Variants in USP4 observed in about 807,000 individuals in gnomAD.
The protein encoded by USP4 is ubiquitin specific peptidase 4, also known as ubiquitin carboxyl-terminal hydrolase 4.
Under a neutral mutation model 118.2 loss-of-function variants are expected in USP4, and 72 were observed. The observed-to-expected ratio is 0.61, with a 90% CI of 0.50 to 0.74. USP4 has a LOEUF of 0.74. Ranked by LOEUF, USP4 falls within the 30% of genes least tolerant of loss-of-function variation. The pLI is 0.00. For missense variants in USP4, 1,037 were observed against 1,185.7 expected (o/e 0.87, Z 1.84); for synonymous variants, 415 against 440.4 (o/e 0.94, Z 0.72).
At chr3:49,338,885 C>G (rs1266441714) in intron 1 of USP4, among the ~76,000 whole-genome samples, 1 of 152,068 alleles carries the variant, frequency 6.6e-6, no homozygotes, top group African/African-American at 2.4e-5. Context: ...CGGTGGCTCC[C>G]ACCTGTAATC....
In USP4 at chr3:49,302,444, C is replaced by T; in HGVS notation, c.1227G>A (p.Leu409=). ...AFLLDGLHED[L]NRVKKKPYLE... ...AGTAGGGCTTTTTCTTTACCCGGTT[C>T]AGATCTTCATGCAATCCATCTAGAA... is the stretch of plus-strand genomic sequence containing the variant. The change falls in exon 10 of 22, where the codon CTG becomes CTA. Residue 409 remains leucine, a synonymous_variant. Coordinates refer to ENST00000265560, the MANE Select transcript of USP4 (RefSeq NM_003363.4). 8 of 1,614,152 alleles carry T rather than the reference C, an allele frequency of 5.0e-6. No homozygotes were observed. Among genetic ancestry groups the T allele is most frequent in the Non-Finnish European group, 6.8e-6 (8 of 1,180,040 alleles).
Position 49,292,526 on chromosome 3 carries a change from G to A in USP4, c.1956C>T (p.Ser652=). 3 of 1,591,224 alleles carry A rather than the reference G, an allele frequency of 1.9e-6. No individual in the cohort carries two copies. The highest frequency in any genetic ancestry group is 2.6e-6 in the Non-Finnish European group (3 of 1,168,008). Residue 652 remains serine (S), a synonymous_variant, in exon 15 of 22, where the codon TCC becomes TCT. Transcript: ENST00000265560. ...SPLEPGACNG[S]RNSCEGEDEE... is the part of the protein sequence containing the mutation. ...CATACTCACCTTCACAGCTGTTCCTGGAGCCATTGCAGGCCCCTGGCTCCA... is the reference window on the plus strand; with the variant it reads ...CATACTCACCTTCACAGCTGTTCCTAGAGCCATTGCAGGCCCCTGGCTCCA...
intron 6 of USP4, among the ~76,000 whole-genome samples, chr3:49,323,133 A>T (rs1428956323): frequency 6.6e-6 from 1 of 151,546 alleles, no homozygotes; most frequent in East Asian, 2.0e-4. Flanking sequence ...ACGCCTGGCT[A>T]ATTTTGCATT....
intron 2 of USP4, among the ~76,000 whole-genome samples, chr3:49,333,254 T>C (rs897966901): frequency 6.7e-6 from 1 of 149,524 alleles, no homozygotes; most frequent in African/African-American, 2.5e-5. Context: ...GGTTCCTCCA[T>C]CTCCCAGGCA....
intron 6 of USP4, among the ~76,000 whole-genome samples, chr3:49,322,090 G>C (rs1418557227): frequency 6.6e-6 from 1 of 152,100 alleles, no homozygotes; most frequent in African/African-American, 2.4e-5. Flanking sequence ...CCAAGAAACA[G>C]GACACCCCCA....
At chr3:49,294,255 G>A (rs1488401015) in intron 14 of USP4, 152 bp downstream of exon 14, 2 of 802,648 alleles carry the variant, frequency 2.5e-6, no homozygotes, top group Non-Finnish European at 3.8e-6. Context: ...AAAGTGCTGG[G>A]AGTACAGGCA....
In USP4 at chr3:49,284,834, C is replaced by T. The variant is rs778878976; in HGVS notation, c.2271+15G>A. ...ACCAGCAGACACCACCGACCACGAA[C>T]CCCGAGGGACCTACCTCAGATTCTT... On this transcript the variant is annotated intron_variant, in intron 17 of 21. Coordinates refer to ENST00000265560, the MANE Select transcript of USP4 (RefSeq NM_003363.4). 4 of 1,612,814 alleles carry T rather than the reference C, an allele frequency of 2.5e-6. No individual in the cohort carries two copies. The highest frequency in any genetic ancestry group is 3.4e-6 in the Non-Finnish European group (4 of 1,179,028).
At chr3:49,323,341 G>A (rs2047521224) in intron 6 of USP4, among the ~76,000 whole-genome samples, 1 of 147,968 alleles carries the variant, frequency 6.8e-6, no homozygotes, top group South Asian at 2.1e-4. Flanking sequence ...GGCAATGGCA[G>A]AATCATAGCT....
At chr3:49,289,042 C>T (rs531145519) in intron 15 of USP4, among the ~76,000 whole-genome samples, 1 of 152,102 alleles carries the variant, frequency 6.6e-6, no homozygotes, top group Non-Finnish European at 1.5e-5. Context: ...ACCCAGGGAA[C>T]GGAGGTTGCC....
Position 49,286,115 on chromosome 3 carries a change from T to C in USP4, c.2183A>G (p.Lys728Arg), listed in dbSNP as rs1368188796. The C allele has an allele frequency of 6.2e-7, 1 of 1,614,062 alleles. No homozygotes were observed. Residue 728 changes from lysine (K) to arginine (R), a missense_variant, in exon 16 of 22, where the codon AAA (lysine) becomes AGA (arginine). This residue lies in a region of USP4 where 522 missense variants were observed against 592.6 expected (regional missense o/e 0.88). Coordinates refer to ENST00000265560, the MANE Select transcript of USP4 (RefSeq NM_003363.4). ...GTGCTTACAGTTGAGTTTAAGTAGT[T>C]TTCCATCAGCTGCAAGTGAATTTAT... ...ADINSLAADG[K>R]LLKLNSRSTL...
At position 49,296,405 on chromosome 3, in the gene USP4, T is replaced by C. The variant is rs548648522; in HGVS notation, c.1691+1465A>G. ...TGGCTCACGCCTGTAATCCCAGCACTTTGGGAGGCCAAGGCGGGTGGATCA... is the reference window on the plus strand; with the variant it reads ...TGGCTCACGCCTGTAATCCCAGCACCTTGGGAGGCCAAGGCGGGTGGATCA... On this transcript the variant is annotated intron_variant, in intron 13 of 21. Transcript: ENST00000265560. Among the ~76,000 whole-genome samples the C allele has an allele frequency of 1.4e-4, 21 of 152,184 alleles. 1 individual carries two copies. The highest frequency in any genetic ancestry group is 1.5e-5 in the Non-Finnish European group (1 of 67,996).
intron 19 of USP4, among the ~76,000 whole-genome samples, 175 bp downstream of exon 19, chr3:49,283,812 A>C (rs916344015): frequency 6.6e-6 from 1 of 152,176 alleles, no homozygotes; most frequent in Non-Finnish European, 1.5e-5. Context: ...CTCTTCCCCA[A>C]AGATGGGAGG....
chr3:49,338,229 T>C (rs1559483560), intron 1 of USP4, among the ~76,000 whole-genome samples: 2 of 152,084 alleles, frequency 1.3e-5, no homozygotes, highest in Non-Finnish European at 2.9e-5. Flanking sequence ...CACATCCATC[T>C]CTAAAATGCT....
In USP4 at chr3:49,340,040, G is replaced by C; in HGVS notation, c.-16C>G. 1 of 1,599,780 alleles carries C rather than the reference G, an allele frequency of 6.3e-7. No homozygotes were observed. The highest frequency in any genetic ancestry group is 8.5e-7 in the Non-Finnish European group (1 of 1,177,644). ...CTTCCGCCATCTCCTCCGCGGCCCC[G>C]GCCCAGCCGGCCCGGACATCCGCCC... is the stretch of plus-strand genomic sequence containing the variant. On this transcript the variant is annotated 5_prime_UTR_variant, in exon 1 of 22. Transcript: ENST00000265560.
In USP4 at chr3:49,311,658, GGA is replaced by G. The variant is rs762717823; in HGVS notation, c.696-6_696-5del. 5.0e-6 allele frequency: 8 copies of G among 1,613,240 alleles called. No individual in the cohort carries two copies. In the South Asian group the frequency reaches 7.7e-5, roughly 16 times the overall value. ...TCTGCTAGGCGCAGTGCTTGATCTG[GGA>G]GAGAGAAGCAGAAACAATGCTACTG... On this transcript the variant is annotated splice_polypyrimidine_tract_variant and splice_region_variant and intron_variant, in intron 6 of 21. Coordinates refer to ENST00000265560, the MANE Select transcript of USP4 (RefSeq NM_003363.4).
chr3:49,340,040 G>T lies in USP4; in HGVS notation c.-16C>A, dbSNP rs772487678. ...CTTCCGCCATCTCCTCCGCGGCCCC[G>T]GCCCAGCCGGCCCGGACATCCGCCC... On this transcript the variant is annotated 5_prime_UTR_variant, in exon 1 of 22. Coordinates refer to ENST00000265560, the MANE Select transcript of USP4 (RefSeq NM_003363.4). 3 of 1,599,664 alleles carry T rather than the reference G, an allele frequency of 1.9e-6. No individual in the cohort carries two copies. The highest frequency in any genetic ancestry group is 2.2e-5 in the East Asian group (1 of 44,800).
At chr3:49,290,548 TC>T (rs2047141372) in intron 15 of USP4, among the ~76,000 whole-genome samples, 3 of 152,234 alleles carry the variant, frequency 2.0e-5, no homozygotes, top group Admixed American at 2.0e-4. Context: ...GGAATGTTGT[TC>T]TGTTGTCCAG....
intron 6 of USP4, among the ~76,000 whole-genome samples, chr3:49,313,581 A>G (rs1471851055): frequency 6.6e-6 from 1 of 152,074 alleles, no homozygotes; most frequent in Non-Finnish European, 1.5e-5. Flanking sequence ...AAAAGGCTGG[A>G]TGCAAATTAA....
intron 6 of USP4, among the ~76,000 whole-genome samples, chr3:49,320,587 T>C (rs908758375): frequency 6.6e-6 from 1 of 152,216 alleles, no homozygotes; most frequent in South Asian, 2.1e-4. Flanking sequence ...GCTAGGACTA[T>C]AGGCACATAC....
Sources: allele counts gnomAD v4.1 joint callset (sites outside exome capture counted in the v4.1 genomes callset), GRCh38; gene constraint gnomAD v4.1.1; regional missense constraint gnomAD v4.1.1; transcripts MANE v1.5; gene names NCBI Gene and HGNC (gene_info 2026-07-23, HGNC 2026-07-21).